GNB4: variants seen among roughly 807,000 people sequenced by gnomAD.
GNB4 encodes guanine nucleotide-binding protein subunit beta-4.
A neutral mutation model predicts 45.2 loss-of-function variants in GNB4; 28 were observed. The observed-to-expected ratio is 0.62, with a 90% CI of 0.46 to 0.85. The LOEUF (loss-of-function observed/expected upper bound fraction) is 0.85. Among genes scored for constraint, GNB4 ranks in the 40% least tolerant of loss-of-function variants. GNB4 has a pLI of 0.00. For missense variants in GNB4, 321 were observed against 425.4 expected, an observed-to-expected ratio of 0.75 and a Z score of 2.16; for synonymous variants, 132 against 143.7, an observed-to-expected ratio of 0.92 and a Z score of 0.58.
At chr3:179,471,580 C>T in the GNB4 span, among the ~76,000 whole-genome samples, 1 of 152,216 alleles carries the variant, frequency 6.6e-6, no homozygotes, top group African/African-American at 2.4e-5. Context: ...TACTAAGCTA[C>T]TCCATCTAGG....
At chr3:179,414,827 A>G in intron 6 of GNB4, 58 bp downstream of exon 6, 1 of 1,400,388 alleles carries the variant, frequency 7.1e-7, no homozygotes, top group African/African-American at 1.4e-5. Flanking sequence ...TTTGTCCTTG[A>G]TCAGCACATT....
intron 9 of GNB4, among the ~76,000 whole-genome samples, chr3:179,403,351 TA>T (rs369992220): frequency 1.7e-3 from 253 of 148,838 alleles, no homozygotes; most frequent in African/African-American, 4.2e-3. Context: ...AGAAGAAACT[TA>T]AAAAAAAAAT....
chr3:179,509,723 C>A, the GNB4 span, among the ~76,000 whole-genome samples: 1 of 151,094 alleles, frequency 6.6e-6, no homozygotes, highest in Non-Finnish European at 1.5e-5. Flanking sequence ...TTAAGACTAT[C>A]AAGCCTTAGC....
At chr3:179,413,882 C>T in intron 6 of GNB4, 101 bp from the exon 7 acceptor site, 1 of 856,528 alleles carries the variant, frequency 1.2e-6, no homozygotes, top group Non-Finnish European at 1.8e-6. Flanking sequence ...AATACTTGGG[C>T]AACAAGTGTT....
At chr3:179,458,761 T>C in the GNB4 span, among the ~76,000 whole-genome samples, 13 of 152,338 alleles carry the variant, frequency 8.5e-5, no homozygotes, top group South Asian at 2.7e-3. Context: ...ATTGTTCTAT[T>C]ATTATTTTTA....
chr3:179,440,277 C>CAG (rs1715562621), intron 1 of GNB4, among the ~76,000 whole-genome samples: 1 of 152,116 alleles, frequency 6.6e-6, no homozygotes, highest in Non-Finnish European at 1.5e-5. Flanking sequence ...AATAAATACC[C>CAG]AGGTCAGGAA....
chr3:179,518,190 T>C, the GNB4 span, among the ~76,000 whole-genome samples: 1 of 152,194 alleles, frequency 6.6e-6, no homozygotes, highest in Non-Finnish European at 1.5e-5. Flanking sequence ...AAGTGCCTTA[T>C]TTTCTTCTGC....
At chr3:179,415,125 A>G in intron 5 of GNB4, 78 bp from the exon 6 acceptor site, 1 of 1,128,240 alleles carries the variant, frequency 8.9e-7, no homozygotes, top group Non-Finnish European at 1.2e-6. Context: ...AATGAAGTAA[A>G]TATTATTAAA....
the GNB4 span, among the ~76,000 whole-genome samples, chr3:179,489,945 T>G: frequency 2.0e-5 from 3 of 152,370 alleles, no homozygotes; most frequent in East Asian, 5.8e-4. Flanking sequence ...TCTTAAGGAC[T>G]GTACTAGAAA....
At chr3:179,500,266 G>T in the GNB4 span, among the ~76,000 whole-genome samples, 2 of 152,278 alleles carry the variant, frequency 1.3e-5, no homozygotes, top group East Asian at 3.9e-4. Context: ...TGTATAAGGT[G>T]TAAGGAAGGG....
chr3:179,509,392 C>T, the GNB4 span, among the ~76,000 whole-genome samples: 1,202 of 152,224 alleles, frequency 7.9e-3, 20 homozygotes, highest in African/African-American at 0.027. Context: ...TAGATATTCA[C>T]ACTGGCATTC....
At chr3:179,443,263 G>A (rs1227892475) in intron 1 of GNB4, among the ~76,000 whole-genome samples, 1 of 152,166 alleles carries the variant, frequency 6.6e-6, no homozygotes, top group Admixed American at 6.5e-5. Context: ...TTATGGCTGG[G>A]CACAGTGGCT....
At chr3:179,489,046 A>ATATATATATATATATAT in the GNB4 span, among the ~76,000 whole-genome samples, 1 of 38,762 alleles carries the variant, frequency 2.6e-5, no homozygotes, top group Non-Finnish European at 4.4e-5. Context: ...ATATATATAT[A>ATATATATATATATATAT]ATATATATGT....
At chr3:179,469,540 G>C in the GNB4 span, among the ~76,000 whole-genome samples, 1 of 152,084 alleles carries the variant, frequency 6.6e-6, no homozygotes, top group African/African-American at 2.4e-5. Context: ...TGCATGACAC[G>C]TTATTGAGTG....
the GNB4 span, among the ~76,000 whole-genome samples, chr3:179,504,478 T>C: frequency 2.6e-5 from 4 of 152,162 alleles, no homozygotes; most frequent in African/African-American, 7.2e-5. Context: ...ATGAGGAATG[T>C]TGGGGATAAG....
chr3:179,488,995 A>T, the GNB4 span, among the ~76,000 whole-genome samples: 5 of 26,174 alleles, frequency 1.9e-4, no homozygotes, highest in African/African-American at 1.3e-3. Flanking sequence ...AAAAAAAAAA[A>T]AAAAAAAAAA....
the GNB4 span, among the ~76,000 whole-genome samples, chr3:179,509,976 G>A: frequency 5.3e-5 from 8 of 152,106 alleles, no homozygotes; most frequent in African/African-American, 1.4e-4. Flanking sequence ...AGTGTGCACT[G>A]TCACGCCCAG....
the GNB4 span, among the ~76,000 whole-genome samples, chr3:179,527,786 A>ATGTGTG: frequency 0.016 from 1,949 of 124,898 alleles, 24 homozygotes; most frequent in Admixed American, 0.02. Flanking sequence ...GCGTGTGTGT[A>ATGTGTG]TGTATGTGTG....
At position 179,396,810 on chromosome 3, in the gene GNB4, A is replaced by G. The variant is rs1295247332; in HGVS notation, c.*4403T>C. ...TATTCTACTATAAACCATTTCATTG[A>G]GTACCTATTATGTAACCAATATTTT... is the stretch of plus-strand genomic sequence containing the variant. On this transcript the variant is annotated 3_prime_UTR_variant, in exon 10 of 10. Transcript: ENST00000232564. 1 of 152,232 alleles carries G rather than the reference A, an allele frequency of 6.6e-6. No homozygotes were observed. The highest frequency in any genetic ancestry group is 1.5e-5 in the Non-Finnish European group (1 of 68,036). 9.4% of individuals were successfully genotyped at this position (152,232 alleles called of 1,614,324 possible).
Sources: allele counts gnomAD v4.1 joint callset (sites outside exome capture counted in the v4.1 genomes callset), GRCh38; gene constraint gnomAD v4.1.1; transcripts MANE v1.5; gene names NCBI Gene and HGNC (gene_info 2026-07-23, HGNC 2026-07-21).